The following ZC2HC1B variants were observed in gnomAD, a reference collection of about 807,000 sequenced individuals.
ZC2HC1B encodes the protein zinc finger C2HC-type containing 1B.
Under a neutral mutation model 31.0 loss-of-function variants are expected in ZC2HC1B, and 36 were observed. The observed-to-expected ratio is 1.16, with a 90% CI of 0.89 to 1.54. The LOEUF is 1.54. Among genes scored for constraint, ZC2HC1B ranks in the 40% most tolerant of loss-of-function variants. The probability of loss-of-function intolerance (pLI) is 0.00; values close to 1 mark genes in which losing one functional copy is unlikely to be tolerated. For synonymous variants in ZC2HC1B, 73 were observed against 88.0 expected (o/e 0.83, Z 0.95); for missense variants, 260 against 268.6 (o/e 0.97, Z 0.22).
At chr6:143,906,789 T>C (rs961876801) in intron 6 of ZC2HC1B, among the ~76,000 whole-genome samples, 5 of 152,096 alleles carry the variant, frequency 3.3e-5, no homozygotes, top group Non-Finnish European at 5.9e-5. Flanking sequence ...ATGGTTTTCT[T>C]TTCATTTTAA....
At chr6:143,888,136 T>C (rs1777553085) in intron 4 of ZC2HC1B, among the ~76,000 whole-genome samples, 1 of 152,108 alleles carries the variant, frequency 6.6e-6, no homozygotes, top group Non-Finnish European at 1.5e-5. Context: ...TCCAGTTATC[T>C]CAGCACCATT....
chr6:143,898,630 A>C lies in ZC2HC1B; in HGVS notation c.428A>C (p.Gln143Pro). The change falls in exon 5 of 8, where the codon CAG becomes CCG. Residue 143 changes from glutamine (Q) to proline (P), a missense_variant. Coordinates refer to ENST00000237275, the MANE Select transcript of ZC2HC1B (RefSeq NM_001013623.3). ...CGACATACTAATTTCTGCAAGGATC[A>C]GTCTTCTCGCCGAGTCTTTAATCCA... ...AERHTNFCKD[Q>P]SSRRVFNPAQ... 2 of 1,551,984 alleles carry C rather than the reference A, an allele frequency of 1.3e-6. No individual in the cohort carries two copies. Among genetic ancestry groups the C allele is most frequent in the Non-Finnish European group, 1.7e-6 (2 of 1,147,034 alleles).
Position 143,873,582 on chromosome 6 carries a change from C to T in ZC2HC1B, c.28+9015C>T, listed in dbSNP as rs114349959. On this transcript the variant is annotated intron_variant, in intron 1 of 7. Transcript: ENST00000237275. The stretch of plus-strand genomic sequence containing the variant: ...TGAGAATCCAGGCGTTTCCATACAT[C>T]TTCTGAAATCTAGGGGGAAGTTCCC... 2.4e-3 allele frequency among the ~76,000 whole-genome samples: 365 copies of T among 152,374 alleles called. 2 individuals carry two copies. Among genetic ancestry groups the T allele is most frequent in the African/African-American group, 8.6e-3 (359 of 41,590 alleles).
intron 4 of ZC2HC1B, among the ~76,000 whole-genome samples, chr6:143,889,029 G>A (rs1246234728): frequency 6.6e-6 from 1 of 151,932 alleles, no homozygotes; most frequent in African/African-American, 2.4e-5. Flanking sequence ...ATAAATAATA[G>A]CATATAATGG....
intron 6 of ZC2HC1B, among the ~76,000 whole-genome samples, chr6:143,926,115 T>A (rs1313486706): frequency 6.6e-6 from 1 of 152,212 alleles, no homozygotes; most frequent in Non-Finnish European, 1.5e-5. Flanking sequence ...AAGTCTCTAT[T>A]ACATTTAGTT....
chr6:143,918,299 T>A lies in ZC2HC1B; in HGVS notation c.598+15147T>A, dbSNP rs1316706593. ...AGAGGCATGCACCTCTGTACCCATCTCTTCCCTTACTTTTTGAAGGACAGT... is the reference window on the plus strand; with the variant it reads ...AGAGGCATGCACCTCTGTACCCATCACTTCCCTTACTTTTTGAAGGACAGT... On this transcript the variant is annotated intron_variant, in intron 6 of 7. Transcript: ENST00000237275. This position sits in a 1 kb window ranked among gnomAD's most constrained non-coding sequence, Gnocchi z 4.1. Among the ~76,000 whole-genome samples, 1 of 152,176 alleles carries A rather than the reference T, an allele frequency of 6.6e-6. No individual in the cohort carries two copies. The highest frequency in any genetic ancestry group is 6.5e-5 in the Admixed American group (1 of 15,276).
intron 5 of ZC2HC1B, among the ~76,000 whole-genome samples, chr6:143,901,015 G>A (rs1777731515): frequency 6.6e-6 from 1 of 150,798 alleles, no homozygotes; most frequent in African/African-American, 2.4e-5. Flanking sequence ...ATTTTTGTAT[G>A]TTCAGAAGAG....
Position 143,886,231 on chromosome 6 carries a change from T to C in ZC2HC1B, c.210+80T>C. 1 of 1,354,942 alleles carries C rather than the reference T, an allele frequency of 7.4e-7. No individual in the cohort carries two copies. Among genetic ancestry groups the C allele is most frequent in the South Asian group, 2.1e-5 (1 of 47,736 alleles). The allele number at this position is 1,354,942 out of a possible 1,614,324, so 83.9% of individuals were successfully genotyped here. ...CCTATTTCTGGGATTTCTGGTTTCA[T>C]TTTTGCTTGATAATACAGTAATGTA... On this transcript the variant is annotated intron_variant, in intron 3 of 7. Coordinates refer to ENST00000237275, the MANE Select transcript of ZC2HC1B (RefSeq NM_001013623.3). The surrounding 1 kb of genome is among the most constrained non-coding windows in gnomAD (Gnocchi z 4.2).
At chr6:143,929,689 T>C (rs1319014291) in intron 6 of ZC2HC1B, among the ~76,000 whole-genome samples, 2 of 152,130 alleles carry the variant, frequency 1.3e-5, no homozygotes, top group Non-Finnish European at 2.9e-5. Context: ...TGTGAATCTG[T>C]CTGCTCCTGG....
In ZC2HC1B at chr6:143,899,035, GC is replaced by G. The variant is rs1389926958; in HGVS notation, c.489+346del. Among the ~76,000 whole-genome samples the G allele has an allele frequency of 2.6e-5, 4 of 152,212 alleles. No individual in the cohort carries two copies. Among genetic ancestry groups the G allele is most frequent in the Non-Finnish European group, 5.9e-5 (4 of 68,042 alleles). ...AGAATTGCGAACCTGAAGTGAAACT[GC>G]CTGAGTGGGACAGGCTGTCCCAAGG... On this transcript the variant is annotated intron_variant, in intron 5 of 7. Coordinates refer to ENST00000237275, the MANE Select transcript of ZC2HC1B (RefSeq NM_001013623.3). This position sits in a 1 kb window ranked among gnomAD's most constrained non-coding sequence, Gnocchi z 5.0.
chr6:143,923,113 G>T lies in ZC2HC1B; in HGVS notation c.599-14536G>T, dbSNP rs1332919566. Among the ~76,000 whole-genome samples, 1 of 151,872 alleles carries T rather than the reference G, an allele frequency of 6.6e-6. No individual in the cohort carries two copies. Among genetic ancestry groups the T allele is most frequent in the Non-Finnish European group, 1.5e-5 (1 of 67,954 alleles). ...TGGCATTTCCCTGATAATTAATTAT[G>T]TTGAACATTTTTTCCATATACCTGT... On this transcript the variant is annotated intron_variant, in intron 6 of 7. Coordinates refer to ENST00000237275, the MANE Select transcript of ZC2HC1B (RefSeq NM_001013623.3). This position sits in a 1 kb window ranked among gnomAD's most constrained non-coding sequence, Gnocchi z 4.8.
At chr6:143,866,739 G>A (rs10457755) in intron 1 of ZC2HC1B, among the ~76,000 whole-genome samples, 5 of 152,140 alleles carry the variant, frequency 3.3e-5, no homozygotes, top group Non-Finnish European at 5.9e-5. Flanking sequence ...TGCTTTATCA[G>A]TCTTGTTCCA....
Position 143,885,318 on chromosome 6 carries a change from C to A in ZC2HC1B, c.91-714C>A, listed in dbSNP as rs1480004519. ...TGTAGTCCACCAGTGTGTGTCACTG[C>A]CTTTGCCAGACTGGAGCCACACCCC... is the stretch of plus-strand genomic sequence containing the variant. On this transcript the variant is annotated intron_variant, in intron 2 of 7. Transcript: ENST00000237275. This position sits in a 1 kb window ranked among gnomAD's most constrained non-coding sequence, Gnocchi z 4.2. Among the ~76,000 whole-genome samples, 1 of 152,152 alleles carries A rather than the reference C, an allele frequency of 6.6e-6. No individual in the cohort carries two copies. Among genetic ancestry groups the A allele is most frequent in the Non-Finnish European group, 1.5e-5 (1 of 68,034 alleles).
chr6:143,918,863 C>T lies in ZC2HC1B; in HGVS notation c.598+15711C>T, dbSNP rs1777951098. Among the ~76,000 whole-genome samples, 1 of 152,064 alleles carries T rather than the reference C, an allele frequency of 6.6e-6. No individual in the cohort carries two copies. Among genetic ancestry groups the T allele is most frequent in the South Asian group, 2.1e-4 (1 of 4,820 alleles). ...AATCCTACTAGTAAAGTTTTCATTT[C>T]ATTTATTCTATTTTTCAGTTCTAGA... On this transcript the variant is annotated intron_variant, in intron 6 of 7. Transcript: ENST00000237275. This position sits in a 1 kb window ranked among gnomAD's most constrained non-coding sequence, Gnocchi z 4.1.
chr6:143,885,996 CT>C lies in ZC2HC1B; in HGVS notation c.91-33del, dbSNP rs1777526980. ...CTAGGCATTAAAAACTGATTGTGCA[CT>C]TTAGAAATTCCAATCCCTACTCTTC... On this transcript the variant is annotated intron_variant, in intron 2 of 7. Transcript: ENST00000237275. The surrounding 1 kb of genome is among the most constrained non-coding windows in gnomAD (Gnocchi z 4.2). The C allele has an allele frequency of 6.7e-7, 1 of 1,489,410 alleles. No homozygotes were observed. Among genetic ancestry groups the C allele is most frequent in the Non-Finnish European group, 8.9e-7 (1 of 1,121,070 alleles). The allele number at this position is 1,489,410 out of a possible 1,614,324, so 92.3% of individuals were successfully genotyped here.
chr6:143,878,359 TC>T (rs886879349), intron 1 of ZC2HC1B, among the ~76,000 whole-genome samples: 2 of 150,644 alleles, frequency 1.3e-5, no homozygotes, highest in African/African-American at 4.9e-5. Context: ...GGGCCTGTGC[TC>T]CCAGCTACTC....
chr6:143,882,334 TTATATATATATATATATATATA>T lies in ZC2HC1B; in HGVS notation c.29-1956_29-1935del, dbSNP rs59777839. Among the ~76,000 whole-genome samples the T allele has an allele frequency of 7.0e-5, 6 of 85,554 alleles. 2 individuals carry two copies. The highest frequency in any genetic ancestry group is 3.8e-4 in the African/African-American group (6 of 15,664). 56.1% of individuals were successfully genotyped at this position (85,554 alleles called of 152,430 possible). ...AATATGTATACATATTTTATATTTT[TTATATATATATATATATATATA>T]TATATATATATATTTAGATGAAGTT... On this transcript the variant is annotated intron_variant, in intron 1 of 7. Coordinates refer to ENST00000237275, the MANE Select transcript of ZC2HC1B (RefSeq NM_001013623.3).
At position 143,903,873 on chromosome 6, in the gene ZC2HC1B, T is replaced by C. The variant is rs1777764288; in HGVS notation, c.598+721T>C. ...ATGCTATATTAAAATTGTTGTATTA[T>C]TTTTTATTATTGGTACACTTGGGTT... On this transcript the variant is annotated intron_variant, in intron 6 of 7. Transcript: ENST00000237275. This position sits in a 1 kb window ranked among gnomAD's most constrained non-coding sequence, Gnocchi z 4.3. 6.6e-6 allele frequency among the ~76,000 whole-genome samples: 1 copy of C among 152,244 alleles called. No individual in the cohort carries two copies. The highest frequency in any genetic ancestry group is 1.5e-5 in the Non-Finnish European group (1 of 68,040).
In ZC2HC1B at chr6:143,886,127, T is replaced by C. The variant is rs1179977259; in HGVS notation, c.186T>C (p.Thr62=). ...GATTACAGGGCACTGACATTCCTACTGTGAAGAAGACTCCACAATCCAAGG... is the reference window on the plus strand; with the variant it reads ...GATTACAGGGCACTGACATTCCTACCGTGAAGAAGACTCCACAATCCAAGG... ...KQRLQGTDIP[T]VKKTPQSKSP... The change falls in exon 3 of 8, where the codon ACT becomes ACC. Residue 62 remains threonine, a synonymous_variant. Transcript: ENST00000237275. The surrounding 1 kb of genome is among the most constrained non-coding windows in gnomAD (Gnocchi z 4.2). 1 of 1,546,754 alleles carries C rather than the reference T, an allele frequency of 6.5e-7. No homozygotes were observed. Among genetic ancestry groups the C allele is most frequent in the Non-Finnish European group, 8.7e-7 (1 of 1,145,646 alleles).
Sources: gnomAD v4.1 joint callset for allele counts (sites outside exome capture counted in the v4.1 genomes callset) on GRCh38, gnomAD v4.1.1 for gene constraint, Gnocchi (gnomAD v3.1) non-coding constraint, MANE v1.5 for transcripts, NCBI Gene and HGNC (gene_info 2026-07-23, HGNC 2026-07-21) for gene names.